Variants in EXTL1 observed in about 807,000 individuals in gnomAD.
EXTL1 encodes the protein exostosin like glycosyltransferase 1.
A neutral mutation model predicts 64.6 loss-of-function variants in EXTL1; 43 were observed. The ratio of observed to expected loss-of-function variants is 0.67; its 90% CI spans 0.52 to 0.86. EXTL1 has a LOEUF of 0.86. Among genes scored for constraint, EXTL1 ranks in the 40% least tolerant of loss-of-function variants. The pLI is 0.00. For synonymous variants in EXTL1, 352 were observed against 360.5 expected (o/e 0.98, Z 0.27); for missense variants, 766 against 879.0 (o/e 0.87, Z 1.62).
rs972331499 is a variant in EXTL1, at chr1:26,025,156, G to A, written c.779+1731G>A. On this transcript the variant is annotated intron_variant, in intron 1 of 10. Coordinates refer to ENST00000374280, the MANE Select transcript of EXTL1 (RefSeq NM_004455.3). The surrounding 1 kb of genome is among the most constrained non-coding windows in gnomAD (Gnocchi z 5.3). ...GAGTGGTTTGAGCCTCAGTTTCTCC[G>A]AAGTGCCGGGCAGCTGCCTGGGCCA... Among the ~76,000 whole-genome samples, 22 of 152,166 alleles carry A rather than the reference G, an allele frequency of 1.4e-4. No individual in the cohort carries two copies. The highest frequency in any genetic ancestry group is 5.1e-4 in the African/African-American group (21 of 41,434).
At position 26,035,366 on chromosome 1, in the gene EXTL1, C is replaced by A. The variant is rs559593549; in HGVS notation, c.*19C>A. 1 of 1,580,704 alleles carries A rather than the reference C, an allele frequency of 6.3e-7. No individual in the cohort carries two copies. The highest frequency in any genetic ancestry group is 2.3e-5 in the East Asian group (1 of 44,162). ...GCCCTAGGGGGGCGACCCGCGGAGA[C>A]CCCAGCAGAGGTCGCAGCCCAGCTC... On this transcript the variant is annotated 3_prime_UTR_variant, in exon 11 of 11. Coordinates refer to ENST00000374280, the MANE Select transcript of EXTL1 (RefSeq NM_004455.3). The surrounding 1 kb of genome is among the most constrained non-coding windows in gnomAD (Gnocchi z 5.3).
chr1:26,027,305 A>T (rs1251143741), intron 1 of EXTL1, among the ~76,000 whole-genome samples: 1 of 152,154 alleles, frequency 6.6e-6, no homozygotes, highest in Non-Finnish European at 1.5e-5. Context: ...TTTGGGCTTC[A>T]GTTTTCTCAT....
chr1:26,024,510 C>T (rs541812481), intron 1 of EXTL1, among the ~76,000 whole-genome samples: 3 of 152,266 alleles, frequency 2.0e-5, no homozygotes, highest in Admixed American at 6.5e-5. Flanking sequence ...GGACTTCTCT[C>T]GGCCAAAGGG....
chr1:26,023,867 C>T (rs932343487), intron 1 of EXTL1, among the ~76,000 whole-genome samples: 12 of 152,266 alleles, frequency 7.9e-5, no homozygotes, highest in Admixed American at 2.0e-4. Flanking sequence ...GCCACCCAGC[C>T]GGAAAGAGCC....
Position 26,035,269 on chromosome 1 carries a change from T to G in EXTL1, c.1953T>G (p.Arg651=), listed in dbSNP as rs1371181583. ...AFGHMPLLSS[R]LRLDPVLFKD... ...GCCACATGCCCTTGCTGTCCTCTCG[T>G]CTGCGTCTGGACCCGGTGCTGTTTA... The change falls in exon 11 of 11, where the codon CGT becomes CGG. Residue 651 remains arginine (R), a synonymous_variant. Coordinates refer to ENST00000374280, the MANE Select transcript of EXTL1 (RefSeq NM_004455.3). This position sits in a 1 kb window ranked among gnomAD's most constrained non-coding sequence, Gnocchi z 5.3. The G allele has an allele frequency of 1.2e-6, 2 of 1,613,640 alleles. No individual in the cohort carries two copies. Among genetic ancestry groups the G allele is most frequent in the Admixed American group, 1.7e-5 (1 of 60,024 alleles).
At position 26,022,998 on chromosome 1, in the gene EXTL1, A is replaced by T. The variant is rs1440654453; in HGVS notation, c.352A>T (p.Ile118Phe). 1 of 1,614,034 alleles carries T rather than the reference A, an allele frequency of 6.2e-7. No homozygotes were observed. The highest frequency in any genetic ancestry group is 8.5e-7 in the Non-Finnish European group (1 of 1,180,020). Residue 118 changes from isoleucine (I) to phenylalanine (F), a missense_variant, in exon 1 of 11, where the codon ATT (isoleucine) becomes TTT (phenylalanine). Ile to Phe is a conservative substitution (Grantham distance 21, BLOSUM62 0). Transcript: ENST00000374280. ...SETHRRILAS[I>F]EGSRFYTFSP... ...GACTCATCGCAGGATCCTGGCTTCC[A>T]TTGAGGGCTCTCGCTTCTACACATT...
In EXTL1 at chr1:26,032,437, G is replaced by T. The variant is rs778567990; in HGVS notation, c.1383G>T (p.Arg461Ser). The change falls in exon 7 of 11, where the codon AGG (arginine) becomes AGT (serine). Residue 461 changes from arginine to serine, a missense_variant. Physicochemically the swap from Arg to Ser is moderately radical, Grantham distance 110. Transcript: ENST00000374280. ...LWSNERPLPS[R>S]WPETAVPLTV... ...GCAATGAGAGGCCACTCCCATCCAG[G>T]TGGCCGGAGACAGCTGTGCCCTTGA... 8.4e-6 allele frequency: 13 copies of T among 1,555,858 alleles called. No homozygotes were observed. Among genetic ancestry groups the T allele is most frequent in the Non-Finnish European group, 1.1e-5 (13 of 1,149,302 alleles).
In EXTL1 at chr1:26,026,242, C is replaced by CAA. The variant is rs60657422; in HGVS notation, c.779+2832_779+2833dup. Reference sequence around the variant, plus strand: ...CAGCAGAGTGAGAGAGACTCTGTTTCAAAAAAAAAAAAAAAAGGCAGAATT... The same window carrying CAA: ...CAGCAGAGTGAGAGAGACTCTGTTTCAAAAAAAAAAAAAAAAAAGGCAGAATT... On this transcript the variant is annotated intron_variant, in intron 1 of 10. Coordinates refer to ENST00000374280, the MANE Select transcript of EXTL1 (RefSeq NM_004455.3). 4.3e-3 allele frequency among the ~76,000 whole-genome samples: 361 copies of CAA among 84,438 alleles called. 2 individuals are homozygous for CAA. The highest frequency in any genetic ancestry group is 0.011 in the African/African-American group (259 of 24,190). The allele number at this position is 84,438 out of a possible 152,430, so 55.4% of individuals were successfully genotyped here. A position where few individuals can be genotyped will look rare whatever the true frequency, so the allele number is the denominator to read the frequency against.
At chr1:26,032,364 C>A in intron 6 of EXTL1, 32 bp from the exon 7 acceptor site, 1 of 1,501,932 alleles carries the variant, frequency 6.7e-7, no homozygotes, top group Non-Finnish European at 9.1e-7. Flanking sequence ...GCCCCAGATC[C>A]CAGACTTCAA....
Position 26,034,695 on chromosome 1 carries a change from G to C in EXTL1, c.1680-141G>C. The stretch of plus-strand genomic sequence containing the variant: ...GCACAATGGAGAGCTGTTCACGCCA[G>C]GGATGGGAGCTCTCTGAGGCAGCCA... On this transcript the variant is annotated intron_variant, in intron 9 of 10. Coordinates refer to ENST00000374280, the MANE Select transcript of EXTL1 (RefSeq NM_004455.3). This position sits in a 1 kb window ranked among gnomAD's most constrained non-coding sequence, Gnocchi z 4.6. 1 of 786,248 alleles carries C rather than the reference G, an allele frequency of 1.3e-6. No individual in the cohort carries two copies. Among genetic ancestry groups the C allele is most frequent in the East Asian group, 2.5e-5 (1 of 40,584 alleles). 48.7% of individuals were successfully genotyped at this position (786,248 alleles called of 1,614,324 possible).
rs1158372447 is a variant in EXTL1 at position 26,022,626 on chromosome 1, G to A, written c.-21G>A. ...TGGCAGAGGCCTCCCAGCTTCCCTA[G>A]CCCTGACTGTGGGTGGCCACATGCA... On this transcript the variant is annotated 5_prime_UTR_variant, in exon 1 of 11. Transcript: ENST00000374280. 1.3e-6 allele frequency: 2 copies of A among 1,563,044 alleles called. No homozygotes were observed. Among genetic ancestry groups the A allele is most frequent in the African/African-American group, 1.4e-5 (1 of 73,580 alleles).
intron 1 of EXTL1, among the ~76,000 whole-genome samples, chr1:26,027,481 G>T (rs549779132): frequency 2.6e-5 from 4 of 152,212 alleles, no homozygotes; most frequent in African/African-American, 9.6e-5. Context: ...CCACTGGGAG[G>T]TGGGAGTAGA....
intron 4 of EXTL1, 143 bp downstream of exon 4, chr1:26,030,738 G>C (rs1490840388): frequency 1.0e-6 from 1 of 979,876 alleles, no homozygotes; most frequent in African/African-American, 1.6e-5. Context: ...AGACTTGGCT[G>C]TGAGATTTGG....
rs902719419 is a variant in EXTL1, at chr1:26,033,187, G to A, written c.1432-42G>A. ...CCTACTTATTGGATGGGGGTGGGGG[G>A]AATGTTCCAATGGCTGAGTTCCCCT... On this transcript the variant is annotated intron_variant, in intron 7 of 10. Coordinates refer to ENST00000374280, the MANE Select transcript of EXTL1 (RefSeq NM_004455.3). The surrounding 1 kb of genome is among the most constrained non-coding windows in gnomAD (Gnocchi z 5.1). 2 of 1,370,146 alleles carry A rather than the reference G, an allele frequency of 1.5e-6. No homozygotes were observed. Among genetic ancestry groups the A allele is most frequent in the Admixed American group, 3.4e-5 (2 of 59,640 alleles). 84.9% of individuals were successfully genotyped at this position (1,370,146 alleles called of 1,614,324 possible). A position where few individuals can be genotyped will look rare whatever the true frequency, so the allele number is the denominator to read the frequency against.
At position 26,035,889 on chromosome 1, in the gene EXTL1, G is replaced by C. The variant is rs562769239; in HGVS notation, c.*542G>C. On this transcript the variant is annotated 3_prime_UTR_variant, in exon 11 of 11. Coordinates refer to ENST00000374280, the MANE Select transcript of EXTL1 (RefSeq NM_004455.3). This position sits in a 1 kb window ranked among gnomAD's most constrained non-coding sequence, Gnocchi z 5.3. ...TGAGGGCGGCGGCGGGACAGGGTGA[G>C]CGGAGAGACAGAACTGTCCCCGCCC... 4.7e-3 allele frequency: 723 copies of C among 152,766 alleles called. 3 individuals carry two copies. Among genetic ancestry groups the C allele is most frequent in the South Asian group, 0.019 (91 of 4,884 alleles). 9.5% of individuals were successfully genotyped at this position (152,766 alleles called of 1,614,324 possible). A position where few individuals can be genotyped will look rare whatever the true frequency, so the allele number is the denominator to read the frequency against.
At chr1:26,032,953 T>A (rs1488334048) in intron 7 of EXTL1, among the ~76,000 whole-genome samples, 2 of 152,080 alleles carry the variant, frequency 1.3e-5, no homozygotes, top group African/African-American at 4.8e-5. Flanking sequence ...ATGGAGGAAT[T>A]CCAAGATGTC....
At position 26,023,204 on chromosome 1, in the gene EXTL1, G is replaced by T. The variant is rs768114737; in HGVS notation, c.558G>T (p.Thr186=). Residue 186 remains threonine (T), a synonymous_variant, in exon 1 of 11, where the codon ACG becomes ACT. Transcript: ENST00000374280. ...GQAMVAEASP[T]VDSFRPGFDV... ...CTATGGTGGCTGAGGCCAGCCCCACGGTGGACTCCTTCCGGCCCGGCTTTG... is the reference window on the plus strand; with the variant it reads ...CTATGGTGGCTGAGGCCAGCCCCACTGTGGACTCCTTCCGGCCCGGCTTTG... The T allele has an allele frequency of 1.2e-6, 2 of 1,612,668 alleles. No homozygotes were observed. Among genetic ancestry groups the T allele is most frequent in the Admixed American group, 1.7e-5 (1 of 59,946 alleles).
At chr1:26,032,221 G>A (rs955451505) in intron 6 of EXTL1, 175 bp from the exon 7 acceptor site, 4 of 577,500 alleles carry the variant, frequency 6.9e-6, no homozygotes, top group East Asian at 5.8e-5. Context: ...CAAGCCCAGA[G>A]GCAAGGACAG....
In EXTL1 at chr1:26,023,348, T is replaced by C; in HGVS notation, c.702T>C (p.Gly234=). The change falls in exon 1 of 11, where the codon GGT becomes GGC. Residue 234 remains glycine (G), a synonymous_variant. Transcript: ENST00000374280. ...TGCTAGCCCTGGAAGAGGAGAGGGG[T>C]GGGTGGCGCACAGCAGACACTGGCT... The part of the protein sequence containing the change: ...VALLALEEER[G]GWRTADTGSS... 2 of 1,501,558 alleles carry C rather than the reference T, an allele frequency of 1.3e-6. No homozygotes were observed. Among genetic ancestry groups the C allele is most frequent in the Non-Finnish European group, 1.8e-6 (2 of 1,123,614 alleles). 93.0% of individuals were successfully genotyped at this position (1,501,558 alleles called of 1,614,324 possible).
Sources: allele counts gnomAD v4.1 joint callset (sites outside exome capture counted in the v4.1 genomes callset), GRCh38; gene constraint gnomAD v4.1.1; non-coding constraint Gnocchi (gnomAD v3.1); transcripts MANE v1.5; gene names NCBI Gene and HGNC (gene_info 2026-07-23, HGNC 2026-07-21).